Variants in PKIA observed in about 807,000 individuals in gnomAD.
PKIA encodes the protein cAMP-dependent protein kinase inhibitor alpha, also known as PKI-alpha.
PKIA carries 4 observed loss-of-function variants against 7.6 expected under a neutral mutation model. The observed-to-expected ratio is 0.52, with a 90% CI of 0.26 to 1.20. The LOEUF (loss-of-function observed/expected upper bound fraction) is 1.20. Ranked by LOEUF, PKIA falls within the 50% of genes most tolerant of loss-of-function variation. The pLI is 0.13. For missense variants in PKIA, 73 were observed against 86.2 expected, an observed-to-expected ratio of 0.85 and a Z score of 0.61; for synonymous variants, 21 against 30.7, an observed-to-expected ratio of 0.68 and a Z score of 1.04.
chr8:78,560,171 G>A (rs771895902), intron 1 of PKIA, among the ~76,000 whole-genome samples: 20 of 152,280 alleles, frequency 1.3e-4, no homozygotes, highest in Non-Finnish European at 2.4e-4. Flanking sequence ...TAAAACTAGA[G>A]CAGAATCTGG....
chr8:78,556,018 A>G (rs1807124337), intron 1 of PKIA, among the ~76,000 whole-genome samples: 1 of 152,108 alleles, frequency 6.6e-6, no homozygotes, highest in African/African-American at 2.4e-5. Flanking sequence ...TGAGCAAAAA[A>G]ATAAAATATG....
At chr8:78,585,970 A>C (rs917040961) in intron 2 of PKIA, among the ~76,000 whole-genome samples, 1 of 152,160 alleles carries the variant, frequency 6.6e-6, no homozygotes, top group African/African-American at 2.4e-5. Flanking sequence ...TCCAAGTTAG[A>C]AATCTAGATG....
intron 3 of PKIA, among the ~76,000 whole-genome samples, chr8:78,600,160 A>G (rs1048936095): frequency 1.3e-5 from 2 of 151,968 alleles, no homozygotes; most frequent in African/African-American, 4.8e-5. Context: ...AAAACCAGGA[A>G]CAGTATACAA....
chr8:78,560,590 C>T (rs1807261573), intron 1 of PKIA, among the ~76,000 whole-genome samples: 1 of 152,078 alleles, frequency 6.6e-6, no homozygotes, highest in Admixed American at 6.5e-5. Context: ...TATTGGGACT[C>T]AATTCATCAA....
intron 1 of PKIA, among the ~76,000 whole-genome samples, chr8:78,537,791 G>A (rs964798987): frequency 6.6e-6 from 1 of 152,016 alleles, no homozygotes; most frequent in Non-Finnish European, 1.5e-5. Context: ...TTGCTAGCAA[G>A]CATGCATCTT....
Position 78,601,742 on chromosome 8 carries a change from A to G in PKIA, c.152A>G (p.Glu51Gly), listed in dbSNP as rs778233565. ...TTCTGTTTTCGTTTTTCTTTTGCAG[A>G]AGGTGAAGAAGATGCACAACGAAGT... is the stretch of plus-strand genomic sequence containing the variant. ...KLAGLDINKT[E>G]GEEDAQRSST... The change falls in exon 4 of 4, where the codon GAA becomes GGA. Residue 51 changes from glutamate to glycine, a missense_variant and splice_region_variant. Glu to Gly is a moderately conservative substitution (Grantham distance 98). Transcript: ENST00000396418. 6 of 1,610,390 alleles carry G rather than the reference A, an allele frequency of 3.7e-6. No individual in the cohort carries two copies. Among genetic ancestry groups the G allele is most frequent in the Non-Finnish European group, 5.1e-6 (6 of 1,177,672 alleles).
chr8:78,565,871 A>T (rs914942970), intron 1 of PKIA, among the ~76,000 whole-genome samples: 5 of 152,012 alleles, frequency 3.3e-5, no homozygotes, highest in African/African-American at 1.2e-4. Flanking sequence ...ATAGGGTAAC[A>T]CCTGTTATCT....
intron 1 of PKIA, chr8:78,535,903 G>C (rs917399984): frequency 6.6e-6 from 1 of 152,038 alleles, no homozygotes; most frequent in East Asian, 1.9e-4. Context: ...ATACAGGGGT[G>C]ACCTGGAACC....
At chr8:78,575,210 C>T (rs1024744718) in intron 2 of PKIA, among the ~76,000 whole-genome samples, 1 of 151,898 alleles carries the variant, frequency 6.6e-6, no homozygotes, top group African/African-American at 2.4e-5. Context: ...AACACACCAC[C>T]AAAACTAAGA....
rs1006393846 is a variant in PKIA at position 78,602,032 on chromosome 8, AT to A, written c.*212del. On this transcript the variant is annotated 3_prime_UTR_variant, in exon 4 of 4. Coordinates refer to ENST00000396418, the MANE Select transcript of PKIA (RefSeq NM_006823.4). ...TCTGTCATTAGCAATGGTTGAAATC[AT>A]GTGGCTTGTGTTTGGGCGTCATTTT... The A allele has an allele frequency of 1.8e-6, 1 of 560,002 alleles. No homozygotes were observed. The highest frequency in any genetic ancestry group is 3.3e-5 in the Admixed American group (1 of 30,552). The allele number at this position is 560,002 out of a possible 1,614,324, so 34.7% of individuals were successfully genotyped here. A position where few individuals can be genotyped will look rare whatever the true frequency, so the allele number is the denominator to read the frequency against.
intron 1 of PKIA, among the ~76,000 whole-genome samples, chr8:78,572,109 CA>C (rs1408417964): frequency 2.6e-5 from 4 of 152,092 alleles, no homozygotes; most frequent in African/African-American, 9.7e-5. Flanking sequence ...GTTTCAGAAT[CA>C]CAGTGTTGGA....
intron 2 of PKIA, among the ~76,000 whole-genome samples, chr8:78,578,743 G>T (rs1807736002): frequency 6.6e-6 from 1 of 151,622 alleles, no homozygotes; most frequent in Admixed American, 6.6e-5. Context: ...CCATTTCTTA[G>T]TGTTTATTGC....
intron 2 of PKIA, among the ~76,000 whole-genome samples, chr8:78,575,760 A>G (rs1240550650): frequency 1.3e-5 from 2 of 152,048 alleles, no homozygotes; most frequent in Non-Finnish European, 2.9e-5. Context: ...TTGCAGTCCT[A>G]TGATTCTACA....
At chr8:78,571,918 C>T (rs895314808) in intron 1 of PKIA, among the ~76,000 whole-genome samples, 4 of 151,880 alleles carry the variant, frequency 2.6e-5, no homozygotes, top group Admixed American at 2.6e-4. Flanking sequence ...AAGAGTATGA[C>T]ATTAAAGTTA....
At chr8:78,518,810 A>G (rs1006024973) in intron 1 of PKIA, among the ~76,000 whole-genome samples, 3 of 152,248 alleles carry the variant, frequency 2.0e-5, no homozygotes, top group African/African-American at 7.2e-5. Context: ...TTGAGAAGAA[A>G]GAAAACAAGT....
chr8:78,557,661 A>G (rs1190639043), intron 1 of PKIA, among the ~76,000 whole-genome samples: 2 of 152,156 alleles, frequency 1.3e-5, no homozygotes, highest in Non-Finnish European at 2.9e-5. Flanking sequence ...TCTTGTCAAA[A>G]TGGTATTATT....
rs1379773696 is a variant in PKIA at position 78,523,933 on chromosome 8, T to TATATATAAACATTTATATTTATATATAA, written c.-157+7489_-157+7516dup. On this transcript the variant is annotated intron_variant, in intron 1 of 3. Coordinates refer to ENST00000396418, the MANE Select transcript of PKIA (RefSeq NM_006823.4). ...ACATATATATTTATATATATATAAA[T>TATATATAAACATTTATATTTATATATAA]ATATATAAACATTTATATTTATATA... Among the ~76,000 whole-genome samples the TATATATAAACATTTATATTTATATATAA allele has an allele frequency of 3.5e-3, 480 of 137,838 alleles. 18 individuals are homozygous for TATATATAAACATTTATATTTATATATAA. Among genetic ancestry groups the TATATATAAACATTTATATTTATATATAA allele is most frequent in the Admixed American group, 0.022 (271 of 12,598 alleles). 90.4% of individuals were successfully genotyped at this position (137,838 alleles called of 152,430 possible).
At chr8:78,543,909 C>T (rs1445192051) in intron 1 of PKIA, among the ~76,000 whole-genome samples, 1 of 152,108 alleles carries the variant, frequency 6.6e-6, no homozygotes, top group African/African-American at 2.4e-5. Context: ...GCTGCAGCTC[C>T]GTTATTTCCA....
rs1305624662 is a variant in PKIA at position 78,591,893 on chromosome 8, T to C, written c.-27-6465T>C. Among the ~76,000 whole-genome samples, 7 of 152,268 alleles carry C rather than the reference T, an allele frequency of 4.6e-5. No individual in the cohort carries two copies. In the East Asian group the frequency reaches 1.3e-3, roughly 29 times the overall value. ...ATTATTTTTATAAAGTCAGAATATG[T>C]GCTAGTTGCTGGTCTACTAAACTTC... On this transcript the variant is annotated intron_variant, in intron 2 of 3. Coordinates refer to ENST00000396418, the MANE Select transcript of PKIA (RefSeq NM_006823.4).
Sources: allele counts gnomAD v4.1 joint callset (sites outside exome capture counted in the v4.1 genomes callset), GRCh38; gene constraint gnomAD v4.1.1; transcripts MANE v1.5; gene names NCBI Gene and HGNC (gene_info 2026-07-23, HGNC 2026-07-21).